The following PLA2G6 variants were observed in gnomAD, a reference collection of about 807,000 sequenced individuals.
PLA2G6 encodes the protein phospholipase A2 group VI.
A neutral mutation model predicts 83.8 loss-of-function variants in PLA2G6; 62 were observed. That is an observed-to-expected ratio of 0.74 (90% confidence interval 0.60 to 0.91). The LOEUF is 0.91. PLA2G6 is among the 40% of genes least tolerant of loss of function. PLA2G6 has a pLI of 0.00. For missense variants in PLA2G6, 944 were observed against 1,102.0 expected, an observed-to-expected ratio of 0.86 and a Z score of 2.03; for synonymous variants, 417 against 449.8, an observed-to-expected ratio of 0.93 and a Z score of 0.92.
At chr22:38,148,292 T>A (rs1031233510) in intron 2 of PLA2G6, 6 of 533,232 alleles carry the variant, frequency 1.1e-5, no homozygotes, top group Non-Finnish European at 2.0e-5. Context: ...AAGGAAAGGA[T>A]AGCGAATGGG....
chr22:38,174,836 G>A (rs1397554847), intron 1 of PLA2G6, among the ~76,000 whole-genome samples: 5 of 152,114 alleles, frequency 3.3e-5, no homozygotes, highest in Non-Finnish European at 7.4e-5. Context: ...CAGGTCACCT[G>A]GAGCCACTTG....
In PLA2G6 at chr22:38,134,968, C is replaced by T. The variant is rs1248429820; in HGVS notation, c.894+20G>A. 4 of 1,407,898 alleles carry T rather than the reference C, an allele frequency of 2.8e-6. No individual in the cohort carries two copies. Among genetic ancestry groups the T allele is most frequent in the Middle Eastern group, 1.9e-4 (1 of 5,384 alleles). 87.2% of individuals were successfully genotyped at this position (1,407,898 alleles called of 1,614,324 possible). A position where few individuals can be genotyped will look rare whatever the true frequency, so the allele number is the denominator to read the frequency against. The stretch of plus-strand genomic sequence containing the variant: ...GGGCCCGGCCCCCTGCCCCACCCAC[C>T]CACCTCAGGATCCACTCACCTCTGC... On this transcript the variant is annotated intron_variant, in intron 6 of 16. Transcript: ENST00000332509.
chr22:38,129,600 C>G lies in PLA2G6; in HGVS notation c.1078-38G>C, dbSNP rs554347201. On this transcript the variant is annotated intron_variant, in intron 7 of 16. Transcript: ENST00000332509. ...GAGAGAGGATAAGACGTGCAACTGCCGGGGAAGTGAAGAACAAAGGGGCCC... is the reference window on the plus strand; with the variant it reads ...GAGAGAGGATAAGACGTGCAACTGCGGGGGAAGTGAAGAACAAAGGGGCCC... 50 of 1,523,476 alleles carry G rather than the reference C, an allele frequency of 3.3e-5. No homozygotes were observed. In the East Asian group the frequency reaches 1.0e-3, roughly 32 times the overall value. The allele number at this position is 1,523,476 out of a possible 1,614,324, so 94.4% of individuals were successfully genotyped here. A position where few individuals can be genotyped will look rare whatever the true frequency, so the allele number is the denominator to read the frequency against.
At chr22:38,125,239 C>T (rs377566012) in intron 10 of PLA2G6, among the ~76,000 whole-genome samples, 79 of 152,184 alleles carry the variant, frequency 5.2e-4, no homozygotes, top group African/African-American at 1.7e-3. Flanking sequence ...CATGTGTGTG[C>T]GTGTCCATGT....
intron 2 of PLA2G6, among the ~76,000 whole-genome samples, chr22:38,163,970 A>G (rs781082138): frequency 1.6e-4 from 24 of 152,132 alleles, no homozygotes; most frequent in Non-Finnish European, 2.5e-4. Flanking sequence ...CCGGTAGGGA[A>G]GCACAGATCA....
chr22:38,159,402 G>T (rs2089919057), intron 2 of PLA2G6, among the ~76,000 whole-genome samples: 1 of 152,092 alleles, frequency 6.6e-6, no homozygotes, highest in Admixed American at 6.5e-5. Context: ...GGGTCACATG[G>T]TTTTACCCAT....
Position 38,126,434 on chromosome 22 carries a change from A to G in PLA2G6, c.1364T>C (p.Met455Thr), listed in dbSNP as rs1345384127. 3.1e-6 allele frequency: 5 copies of G among 1,613,388 alleles called. No individual in the cohort carries two copies. Among genetic ancestry groups the G allele is most frequent in the Non-Finnish European group, 3.4e-6 (4 of 1,179,798 alleles). ...SLNNLELQDLMHISRARKPAF... is the reference protein window; with the variant it reads ...SLNNLELQDLTHISRARKPAF... ...TGGCTTCCGGGCCCGTGAGATGTGC[A>G]TGAGATCCTGTAGTTCTGTGAGGCA... is the stretch of plus-strand genomic sequence containing the variant. The change falls in exon 10 of 17, where the codon ATG becomes ACG. Residue 455 changes from methionine (M) to threonine (T), a missense_variant. Transcript: ENST00000332509.
At chr22:38,116,851 C>CAAAAAAAAAAA (rs57712042) in intron 12 of PLA2G6, among the ~76,000 whole-genome samples, 36 of 37,652 alleles carry the variant, frequency 9.6e-4, no homozygotes, top group South Asian at 1.8e-3. Flanking sequence ...AACTCCGTCT[C>CAAAAAAAAAAA]AAAAAAAAAA....
chr22:38,172,946 G>A (rs1799273503), intron 1 of PLA2G6, among the ~76,000 whole-genome samples: 1 of 152,224 alleles, frequency 6.6e-6, no homozygotes, highest in Admixed American at 6.5e-5. Context: ...TAGGCAGGAG[G>A]ACGAGATGAC....
At chr22:38,127,226 A>G (rs1297623219) in intron 9 of PLA2G6, 2 of 1,199,558 alleles carry the variant, frequency 1.7e-6, no homozygotes, top group East Asian at 5.9e-5. Flanking sequence ...CCCCCTCCCC[A>G]GGGCACACGG....
chr22:38,178,630 C>T (rs768515035), intron 1 of PLA2G6, among the ~76,000 whole-genome samples: 24 of 152,010 alleles, frequency 1.6e-4, no homozygotes, highest in Non-Finnish European at 2.2e-4. Context: ...TTTGGGAGGC[C>T]GAGGCGGGTG....
At chr22:38,173,039 G>C (rs746835787) in intron 1 of PLA2G6, among the ~76,000 whole-genome samples, 20 of 152,174 alleles carry the variant, frequency 1.3e-4, no homozygotes, top group Non-Finnish European at 2.4e-4. Context: ...TGGAAGAAAG[G>C]AAATGACAGC....
chr22:38,112,038 G>T lies in PLA2G6; in HGVS notation c.*123C>A. ...GGGCAGGCAGCTTGGCATTCTCCCA[G>T]GCCTGGTCTATGGACTCAGAGGTGC... On this transcript the variant is annotated 3_prime_UTR_variant, in exon 17 of 17. Coordinates refer to ENST00000332509, the MANE Select transcript of PLA2G6 (RefSeq NM_003560.4). 1 of 1,178,648 alleles carries T rather than the reference G, an allele frequency of 8.5e-7. No homozygotes were observed. The allele number at this position is 1,178,648 out of a possible 1,614,324, so 73.0% of individuals were successfully genotyped here. A position where few individuals can be genotyped will look rare whatever the true frequency, so the allele number is the denominator to read the frequency against.
intron 3 of PLA2G6, chr22:38,143,900 G>A (rs1602177020): frequency 5.5e-6 from 1 of 180,746 alleles, no homozygotes; most frequent in East Asian, 1.3e-4. Flanking sequence ...GCGCCACCAC[G>A]CCTTGCTAAT....
chr22:38,123,347 T>G lies in PLA2G6; in HGVS notation c.1428-89A>C. On this transcript the variant is annotated intron_variant, in intron 10 of 16. Transcript: ENST00000332509. This position sits in a 1 kb window ranked among gnomAD's most constrained non-coding sequence, Gnocchi z 4.1. ...CCTCATAGCCCTTGTCCCCTGCAGC[T>G]GTGTCCTGGCAGACAGACCCAGACG... The G allele has an allele frequency of 2.9e-6, 4 of 1,388,088 alleles. No homozygotes were observed. The South Asian group carries it at 5.0e-5, about 17-fold the overall frequency. 86.0% of individuals were successfully genotyped at this position (1,388,088 alleles called of 1,614,324 possible).
Position 38,145,573 on chromosome 22 carries a change from C to A in PLA2G6, c.290G>T (p.Ser97Ile). 1 of 1,613,790 alleles carries A rather than the reference C, an allele frequency of 6.2e-7. No individual in the cohort carries two copies. ...YSSQLLPFYE[S>I]SPQVLHTEVL... ...CTCAGTGTGCAGGACCTGAGGGGAG[C>A]TCTCATAGAAGGGTAGCAGCTGGGA... The change falls in exon 3 of 17, where the codon AGC becomes ATC. Residue 97 changes from serine (S) to isoleucine (I), a missense_variant. Ser to Ile is a moderately radical substitution (Grantham distance 142, BLOSUM62 -2). Transcript: ENST00000332509.
chr22:38,129,671 T>C, intron 7 of PLA2G6, 109 bp from the exon 8 acceptor site: 2 of 781,718 alleles, frequency 2.6e-6, no homozygotes, highest in Non-Finnish European at 4.5e-6. Flanking sequence ...GGGCCTCTCC[T>C]CAGCACGGGG....
At chr22:38,145,834 C>CA (rs1602186509) in intron 2 of PLA2G6, 181 bp from the exon 3 acceptor site, 52 of 627,186 alleles carry the variant, frequency 8.3e-5, no homozygotes, top group Admixed American at 5.6e-4. Context: ...CACACACACA[C>CA]CCCTATACAC....
intron 1 of PLA2G6, among the ~76,000 whole-genome samples, chr22:38,180,606 C>T (rs2090809844): frequency 6.6e-6 from 1 of 152,236 alleles, no homozygotes; most frequent in African/African-American, 2.4e-5. Context: ...GGACCTCCTG[C>T]TCATCCTTCT....
Sources: allele counts gnomAD v4.1 joint callset (sites outside exome capture counted in the v4.1 genomes callset), GRCh38; gene constraint gnomAD v4.1.1; non-coding constraint Gnocchi (gnomAD v3.1); transcripts MANE v1.5; gene names NCBI Gene and HGNC (gene_info 2026-07-23, HGNC 2026-07-21).